The following SCN9A variants were observed in gnomAD, a reference collection of about 807,000 sequenced individuals.
The protein encoded by SCN9A is sodium channel protein type 9 subunit alpha.
In SCN9A, 131 loss-of-function variants were observed where a neutral mutation model predicts 187.0. The observed-to-expected ratio is 0.70, with a 90% CI of 0.61 to 0.81. The LOEUF (loss-of-function observed/expected upper bound fraction) is 0.81. Among genes scored for constraint, SCN9A ranks in the 30% least tolerant of loss-of-function variants. The probability of loss-of-function intolerance (pLI) is 0.00; values close to 1 mark genes in which losing one functional copy is unlikely to be tolerated. For synonymous variants in SCN9A, 809 were observed against 808.6 expected (o/e 1.00, Z -0.01); for missense variants, 2,252 against 2,396.6 (o/e 0.94, Z 1.26).
In SCN9A at chr2:166,360,635, T is replaced by A. The variant is rs937955007; in HGVS notation, c.-51+15062A>T. On this transcript the variant is annotated intron_variant, in intron 1 of 26. Transcript: ENST00000642356. ...GCAGACTTAGGTTTGAATTTCCTGT[T>A]TATTCCATATAATTAGCTCTGCAGC... Among the ~76,000 whole-genome samples the A allele has an allele frequency of 5.8e-4, 89 of 152,328 alleles. 1 individual carries two copies. In the East Asian group the frequency reaches 0.014, roughly 24 times the overall value.
At chr2:166,232,473 C>G (rs2106393429) in intron 21 of SCN9A, among the ~76,000 whole-genome samples, 1 of 152,190 alleles carries the variant, frequency 6.6e-6, no homozygotes, top group South Asian at 2.1e-4. Flanking sequence ...TTCTAATGCT[C>G]CTTACCCAGG....
intron 15 of SCN9A, 34 bp from the exon 16 acceptor site, chr2:166,277,373 T>A (rs368146740): frequency 6.4e-6 from 9 of 1,401,426 alleles, no homozygotes; most frequent in Non-Finnish European, 8.9e-6. Context: ...TGTTAATCAC[T>A]ATGAAAATCT....
At chr2:166,367,448 T>C (rs1700444687) in intron 1 of SCN9A, among the ~76,000 whole-genome samples, 1 of 152,088 alleles carries the variant, frequency 6.6e-6, no homozygotes, top group East Asian at 1.9e-4. Flanking sequence ...TTTTTTTTAG[T>C]AGAGATGGGG....
intron 7 of SCN9A, among the ~76,000 whole-genome samples, chr2:166,300,461 G>A (rs1220333687): frequency 6.6e-6 from 1 of 150,726 alleles, no homozygotes; most frequent in Non-Finnish European, 1.5e-5. Flanking sequence ...TCATCTAGTT[G>A]ATATCTCAGC....
intron 1 of SCN9A, among the ~76,000 whole-genome samples, chr2:166,361,720 T>C (rs2105316242): frequency 6.6e-6 from 1 of 152,266 alleles, no homozygotes; most frequent in South Asian, 2.1e-4. Context: ...ACAGTAATGA[T>C]GACCCTCTAG....
intron 1 of SCN9A, among the ~76,000 whole-genome samples, chr2:166,337,613 T>G (rs898915503): frequency 6.6e-6 from 1 of 152,102 alleles, no homozygotes; most frequent in African/African-American, 2.4e-5. Flanking sequence ...CACAAGGGGT[T>G]AGAAATTGGT....
At chr2:166,219,862 G>C (rs1168369129) in intron 24 of SCN9A, among the ~76,000 whole-genome samples, 1 of 152,114 alleles carries the variant, frequency 6.6e-6, no homozygotes, top group East Asian at 1.9e-4. Flanking sequence ...ATGTTAATTA[G>C]CGTGACTGAA....
chr2:166,298,953 T>G (rs1301511916), intron 7 of SCN9A: 2 of 152,230 alleles, frequency 1.3e-5, no homozygotes, highest in African/African-American at 4.8e-5. Flanking sequence ...AATTTTCTCT[T>G]CCTCATTTGC....
chr2:166,250,464 A>T (rs936140824), intron 18 of SCN9A, among the ~76,000 whole-genome samples: 3 of 152,138 alleles, frequency 2.0e-5, no homozygotes. Context: ...CAGATGAGAT[A>T]TCTGAAGAAC....
At position 166,306,677 on chromosome 2, in the gene SCN9A, A is replaced by C. The variant is rs1244710844; in HGVS notation, c.378-78T>G. Reference sequence around the variant, plus strand: ...GAGGATGACACTTGTTGAAATGCTTACAACTTTTCCTAAGAAAAAAATTCT... The same window carrying C: ...GAGGATGACACTTGTTGAAATGCTTCCAACTTTTCCTAAGAAAAAAATTCT... On this transcript the variant is annotated intron_variant, in intron 3 of 26. Coordinates refer to ENST00000642356, the MANE Select transcript of SCN9A (RefSeq NM_001365536.1). The C allele has an allele frequency of 6.6e-6, 7 of 1,061,964 alleles. No homozygotes were observed. The African/African-American group carries it at 1.1e-4, about 17-fold the overall frequency. The allele number at this position is 1,061,964 out of a possible 1,614,324, so 65.8% of individuals were successfully genotyped here. A position where few individuals can be genotyped will look rare whatever the true frequency, so the allele number is the denominator to read the frequency against.
At chr2:166,374,212 T>C (rs1329115814) in intron 1 of SCN9A, among the ~76,000 whole-genome samples, 1 of 152,190 alleles carries the variant, frequency 6.6e-6, no homozygotes, top group African/African-American at 2.4e-5. Context: ...AATCAAGGCA[T>C]ATCATATATC....
intron 1 of SCN9A, among the ~76,000 whole-genome samples, chr2:166,359,506 G>A (rs574742878): frequency 6.6e-6 from 1 of 151,970 alleles, no homozygotes; most frequent in South Asian, 2.1e-4. Flanking sequence ...TTAAATACTT[G>A]CCTGATTGCT....
chr2:166,277,352 A>G lies in SCN9A; in HGVS notation c.2518-13T>C, dbSNP rs769382145. 1 of 1,536,754 alleles carries G rather than the reference A, an allele frequency of 6.5e-7. No individual in the cohort carries two copies. Among genetic ancestry groups the G allele is most frequent in the South Asian group, 1.1e-5 (1 of 87,000 alleles). On this transcript the variant is annotated splice_polypyrimidine_tract_variant and intron_variant, in intron 15 of 26. Coordinates refer to ENST00000642356, the MANE Select transcript of SCN9A (RefSeq NM_001365536.1). ...TGAAGACTCGGAGCTAAAAGCAAAT[A>G]TAAAGTTTAATGTTAATCACTATGA...
At chr2:166,342,122 A>T (rs78843438) in intron 1 of SCN9A, among the ~76,000 whole-genome samples, 6,462 of 152,254 alleles carry the variant, frequency 0.042, 162 homozygotes, top group African/African-American at 0.047. Flanking sequence ...ATATTTGAGA[A>T]ATTATGATGC....
chr2:166,199,975 G>GGTTTTT (rs1693410124), intron 26 of SCN9A, 111 bp from the exon 27 acceptor site: 1 of 79,310 alleles, frequency 1.3e-5, no homozygotes, highest in Non-Finnish European at 2.6e-5. Context: ...ATTCAAGACA[G>GGTTTTT]TTTTTTTTTT....
chr2:166,355,375 T>C (rs1383637252), intron 1 of SCN9A, among the ~76,000 whole-genome samples: 2 of 152,156 alleles, frequency 1.3e-5, no homozygotes, highest in Non-Finnish European at 2.9e-5. Flanking sequence ...AACTTCATAA[T>C]TTGATATTTA....
rs1558937636 is a variant in SCN9A at position 166,197,917 on chromosome 2, G to A, written c.*755C>T. The A allele has an allele frequency of 6.6e-6, 1 of 151,942 alleles. No individual in the cohort carries two copies. The highest frequency in any genetic ancestry group is 1.5e-5 in the Non-Finnish European group (1 of 67,966). The allele number at this position is 151,942 out of a possible 1,614,324, so 9.4% of individuals were successfully genotyped here. On this transcript the variant is annotated 3_prime_UTR_variant, in exon 27 of 27. Coordinates refer to ENST00000642356, the MANE Select transcript of SCN9A (RefSeq NM_001365536.1). ...ATATGTACTTAGAATAATTTTTCAA[G>A]TTCTGTGGTTATTCTATGAACAAAA... is the stretch of plus-strand genomic sequence containing the variant.
intron 18 of SCN9A, among the ~76,000 whole-genome samples, chr2:166,245,636 G>A (rs1695752980): frequency 6.6e-6 from 1 of 151,980 alleles, no homozygotes; most frequent in African/African-American, 2.4e-5. Flanking sequence ...TAACTACAGT[G>A]AATTCTTCCT....
rs982653487 is a variant in SCN9A, at chr2:166,267,640, T to G, written c.3351+4759A>C. On this transcript the variant is annotated intron_variant, in intron 17 of 26. Coordinates refer to ENST00000642356, the MANE Select transcript of SCN9A (RefSeq NM_001365536.1). ...ATAATTTAAGAAGAATTAGTATTAGTTCTTCTTTAAATGTTTGGTAGAATT... is the reference window on the plus strand; with the variant it reads ...ATAATTTAAGAAGAATTAGTATTAGGTCTTCTTTAAATGTTTGGTAGAATT... Among the ~76,000 whole-genome samples the G allele has an allele frequency of 1.3e-4, 20 of 151,982 alleles. 1 individual carries two copies. Among genetic ancestry groups the G allele is most frequent in the Non-Finnish European group, 1.0e-4 (7 of 67,960 alleles).
Sources: gnomAD v4.1 joint callset for allele counts (sites outside exome capture counted in the v4.1 genomes callset) on GRCh38, gnomAD v4.1.1 for gene constraint, MANE v1.5 for transcripts, NCBI Gene and HGNC (gene_info 2026-07-23, HGNC 2026-07-21) for gene names.